BBOF1: variants seen among roughly 807,000 people sequenced by gnomAD.
BBOF1 encodes basal body orientation factor 1, also known as basal body-orientation factor 1.
BBOF1 carries 62 observed loss-of-function variants against 68.0 expected under a neutral mutation model. That is an observed-to-expected ratio of 0.91 (90% CI 0.74 to 1.13). BBOF1 has a LOEUF of 1.13. BBOF1 is among the 50% of genes most tolerant of loss of function. BBOF1 has a pLI of 0.00. For missense variants in BBOF1, 534 were observed against 600.1 expected (o/e 0.89, Z 1.15); for synonymous variants, 208 against 198.8 (o/e 1.05, Z -0.39).
At chr14:74,059,084 C>CA (rs35760969) in intron 11 of BBOF1, 2,568 of 49,084 alleles carry the variant, frequency 0.052, 98 homozygotes, top group African/African-American at 0.12. Context: ...AACTCCATCT[C>CA]AAAAAAAAAA....
At chr14:74,072,592 A>G (rs1190313625) in intron 9 of BBOF1, 1 of 1,613,970 alleles carries the variant, frequency 6.2e-7, no homozygotes, top group Non-Finnish European at 8.5e-7. Flanking sequence ...TTTCCCACCA[A>G]TGAAGAGCTT....
In BBOF1 at chr14:74,079,874, G is replaced by T. The variant is rs993529527; in HGVS notation, n.1537-1193G>T. Among the ~76,000 whole-genome samples, 7 of 151,986 alleles carry T rather than the reference G, an allele frequency of 4.6e-5. No individual in the cohort carries two copies. The East Asian group carries it at 1.4e-3, about 29-fold the overall frequency. ...GTGAGCCACGACATGTGACCTCTACGGATAATTTTAAAAATTAGTTGGGCA... is the reference window on the plus strand; with the variant it reads ...GTGAGCCACGACATGTGACCTCTACTGATAATTTTAAAAATTAGTTGGGCA... On this transcript the variant is annotated intron_variant and non_coding_transcript_variant, in intron 10 of 12. Transcript: ENST00000492026.
chr14:74,046,252 G>C, intron 6 of BBOF1, 122 bp downstream of exon 6: 1 of 765,826 alleles, frequency 1.3e-6, no homozygotes, highest in Middle Eastern at 2.4e-4. Flanking sequence ...AAATTTTCTG[G>C]TCTACTGTCC....
chr14:74,057,162 A>G lies in BBOF1; in HGVS notation c.1482A>G (p.Gln494=). The change falls in exon 11 of 12, where the codon CAA becomes CAG. Residue 494 remains glutamine, a synonymous_variant. Transcript: ENST00000394009. ...ATTGCAGGGATGAAAGTAAGCTTCA[A>G]GATAAAATCTTCATCACCCAGCAAA... ...TKEFGDESKL[Q]DKIFITQQIA... 1 of 1,612,560 alleles carries G rather than the reference A, an allele frequency of 6.2e-7. No individual in the cohort carries two copies.
chr14:74,019,676 A>G, intron 1 of BBOF1, 142 bp downstream of exon 1: 1 of 1,387,862 alleles, frequency 7.2e-7, no homozygotes, highest in Non-Finnish European at 9.7e-7. Context: ...TACAGCTCCC[A>G]TGTCCATAGT....
At chr14:74,028,604 G>A (rs1241086189) in intron 2 of BBOF1, among the ~76,000 whole-genome samples, 3 of 151,764 alleles carry the variant, frequency 2.0e-5, no homozygotes, top group East Asian at 3.9e-4. Flanking sequence ...TCTTGGCTAG[G>A]CGCTATGGCT....
At chr14:74,032,425 C>T (rs2059593106) in intron 3 of BBOF1, among the ~76,000 whole-genome samples, 1 of 151,480 alleles carries the variant, frequency 6.6e-6, no homozygotes, top group Non-Finnish European at 1.5e-5. Context: ...CTGTGCCTGG[C>T]CTCAAACTTG....
intron 3 of BBOF1, among the ~76,000 whole-genome samples, chr14:74,030,939 T>TATATAG (rs1555371201): frequency 1.4e-5 from 2 of 145,234 alleles, no homozygotes; most frequent in Non-Finnish European, 3.0e-5. Context: ...TATATATATA[T>TATATAG]AGAGAGAGAG....
At chr14:74,071,617 T>G (rs2139790703) in intron 9 of BBOF1, 2 of 1,578,288 alleles carry the variant, frequency 1.3e-6, no homozygotes, top group East Asian at 2.3e-5. Flanking sequence ...CAGGGTACAC[T>G]GACTTGCCCT....
intron 11 of BBOF1, among the ~76,000 whole-genome samples, chr14:74,063,267 A>G (rs1005467669): frequency 4.6e-5 from 7 of 151,642 alleles, no homozygotes; most frequent in Non-Finnish European, 5.9e-5. Flanking sequence ...GCTCACTGCA[A>G]CTTCCGCCTC....
intron 2 of BBOF1, among the ~76,000 whole-genome samples, chr14:74,023,519 A>G (rs934572586): frequency 1.4e-4 from 22 of 152,180 alleles, no homozygotes; most frequent in African/African-American, 5.3e-4. Context: ...AACTTTCTGA[A>G]CCCAGCAAGT....
chr14:74,050,165 T>A lies in BBOF1; in HGVS notation c.1256T>A (p.Val419Glu). The change falls in exon 8 of 12, where the codon GTG becomes GAG. Residue 419 changes from valine (V) to glutamate (E), a missense_variant. By Grantham distance (121) the Val-to-Glu change is moderately radical (BLOSUM62 -2). Transcript: ENST00000394009. ...GGCAGAGAGCACAGCACCAATAGTGTGAATCAGGATCTTCTGGAGGCCGAA... is the reference window on the plus strand; with the variant it reads ...GGCAGAGAGCACAGCACCAATAGTGAGAATCAGGATCTTCTGGAGGCCGAA... Reference protein sequence around the residue: ...FDGREHSTNSVNQDLLEAEKW... With the variant: ...FDGREHSTNSENQDLLEAEKW... 1 of 1,559,784 alleles carries A rather than the reference T, an allele frequency of 6.4e-7. No individual in the cohort carries two copies. The highest frequency in any genetic ancestry group is 1.2e-5 in the South Asian group (1 of 82,242).
At chr14:74,033,414 C>G (rs937599516) in intron 3 of BBOF1, among the ~76,000 whole-genome samples, 3 of 151,194 alleles carry the variant, frequency 2.0e-5, no homozygotes, top group Non-Finnish European at 1.5e-5. Context: ...CTAAAAAATA[C>G]AAAAATTAGC....
intron 5 of BBOF1, among the ~76,000 whole-genome samples, chr14:74,041,213 G>T (rs146897714): frequency 0.01 from 1,558 of 152,188 alleles, 31 homozygotes; most frequent in African/African-American, 0.036. Context: ...TGAGGCAGAA[G>T]AATTGCTTGA....
At chr14:74,045,263 A>T (rs1327693927) in intron 5 of BBOF1, among the ~76,000 whole-genome samples, 2 of 152,126 alleles carry the variant, frequency 1.3e-5, no homozygotes, top group Non-Finnish European at 2.9e-5. Context: ...ACAGAATTTC[A>T]GTATCTAAAA....
rs139588250 is a variant in BBOF1 at position 74,077,449 on chromosome 14, T to C, written n.1380-747T>C. 2.8e-3 allele frequency among the ~76,000 whole-genome samples: 422 copies of C among 152,252 alleles called. 2 individuals are homozygous for C. The highest frequency in any genetic ancestry group is 9.7e-3 in the African/African-American group (404 of 41,538). On this transcript the variant is annotated intron_variant and non_coding_transcript_variant, in intron 9 of 12. Coordinates refer to the BBOF1 transcript ENST00000492026. Reference sequence around the variant, plus strand: ...GTTCATGATTCTGCAGGCTGGGAAGTTCAAGGGAATGGCTCTAGCTTCTGG... The same window carrying C: ...GTTCATGATTCTGCAGGCTGGGAAGCTCAAGGGAATGGCTCTAGCTTCTGG...
chr14:74,049,852 C>T lies in BBOF1; in HGVS notation c.943C>T (p.Gln315Ter). The change falls in exon 8 of 12, where the codon CAA becomes TAA. Residue 315 changes from glutamine (Q) to a stop codon, truncating the protein, a stop_gained. Transcript: ENST00000394009. LOFTEE classifies it high-confidence loss of function. ...EFESEVLKLQ[Q>*]HAMIENQAGQ... ...TGAGAGTGAAGTTTTAAAACTGCAG[C>T]AACACGCAATGATAGAGAACCAAGC... 1 of 1,614,088 alleles carries T rather than the reference C, an allele frequency of 6.2e-7. No homozygotes were observed.
chr14:74,037,942 C>A lies in BBOF1; in HGVS notation c.496-2623C>A, dbSNP rs189794483. On this transcript the variant is annotated intron_variant, in intron 4 of 11. Coordinates refer to ENST00000394009, the MANE Select transcript of BBOF1 (RefSeq NM_025057.3). The stretch of plus-strand genomic sequence containing the variant: ...TGCACTCTGGCCTGGGCAACAAGAG[C>A]GAAACTCTGTTTCAAAAAAAAAAAA... Among the ~76,000 whole-genome samples, 5 of 148,894 alleles carry A rather than the reference C, an allele frequency of 3.4e-5. No individual in the cohort carries two copies. The East Asian group carries it at 9.8e-4, about 29-fold the overall frequency.
At chr14:74,037,522 T>C (rs75073122) in intron 4 of BBOF1, among the ~76,000 whole-genome samples, 1 of 148,672 alleles carries the variant, frequency 6.7e-6, no homozygotes, top group Non-Finnish European at 1.5e-5. Flanking sequence ...ACTCCTGGGC[T>C]CAAGCAGTCT....
Sources: gnomAD v4.1 joint callset for allele counts (sites outside exome capture counted in the v4.1 genomes callset) on GRCh38, gnomAD v4.1.1 for gene constraint, MANE v1.5 for transcripts, NCBI Gene and HGNC (gene_info 2026-07-23, HGNC 2026-07-21) for gene names.